SMARCB1: variants seen among roughly 807,000 people sequenced by gnomAD.
The protein encoded by SMARCB1 is SWI/SNF related BAF chromatin remodeling complex subunit B1, also known as SWI/SNF-related matrix-associated actin-dependent regulator of chromatin subfamily B member 1.
Under a neutral mutation model 49.0 loss-of-function variants are expected in SMARCB1, and 5 were observed. The ratio of observed to expected loss-of-function variants is 0.10; its 90% CI spans 0.05 to 0.21. The LOEUF (loss-of-function observed/expected upper bound fraction) is 0.21. Ranked by LOEUF, SMARCB1 falls within the 10% of genes least tolerant of loss-of-function variation. SMARCB1 has a pLI of 1.00. For synonymous variants in SMARCB1, 201 were observed against 200.1 expected (o/e 1.00, Z -0.04); for missense variants, 226 against 509.2 (o/e 0.44, Z 5.35).
intron 3 of SMARCB1, among the ~76,000 whole-genome samples, chr22:23,796,894 AGG>A (rs1928782429): frequency 6.6e-6 from 1 of 152,082 alleles, no homozygotes. Context: ...CAGCCCAATA[AGG>A]GGACTTATGG....
chr22:23,836,887 C>A lies in SMARCB1; in HGVS notation c.*2707C>A. On this transcript the variant is annotated 3_prime_UTR_variant, in exon 9 of 9. Coordinates refer to ENST00000644036, the MANE Select transcript of SMARCB1 (RefSeq NM_003073.5). The stretch of plus-strand genomic sequence containing the variant: ...GTGGGGGTCACTGCTGCGGGGGTGG[C>A]AGATGGGGTCCTGGCTGTTCCTCAG... 1 of 1,478,360 alleles carries A rather than the reference C, an allele frequency of 6.8e-7. No homozygotes were observed. Among genetic ancestry groups the A allele is most frequent in the Non-Finnish European group, 9.0e-7 (1 of 1,113,112 alleles). 91.6% of individuals were successfully genotyped at this position (1,478,360 alleles called of 1,614,324 possible).
At chr22:23,798,329 C>G (rs1928904791) in intron 3 of SMARCB1, among the ~76,000 whole-genome samples, 1 of 152,112 alleles carries the variant, frequency 6.6e-6, no homozygotes, top group South Asian at 2.1e-4. Context: ...TTTGGGAGGC[C>G]AAGGTGGGAG....
intron 5 of SMARCB1, among the ~76,000 whole-genome samples, chr22:23,809,859 C>G (rs1184052370): frequency 2.0e-5 from 3 of 151,946 alleles, no homozygotes; most frequent in Admixed American, 6.6e-5. Context: ...CATTCTTAGT[C>G]AAGACATTCT....
In SMARCB1 at chr22:23,787,037, A is replaced by C. The variant is rs1182752764; in HGVS notation, c.-133A>C. On this transcript the variant is annotated 5_prime_UTR_variant, in exon 1 of 9. Coordinates refer to ENST00000644036, the MANE Select transcript of SMARCB1 (RefSeq NM_003073.5). ...CGGCGGCGGCTGAGGAGCCCGGCTG[A>C]GGCGCCAGTACCCGGCCCGGTCCGC... 5 of 578,400 alleles carry C rather than the reference A, an allele frequency of 8.6e-6. No individual in the cohort carries two copies. The highest frequency in any genetic ancestry group is 8.1e-5 in the South Asian group (4 of 49,438). The allele number at this position is 578,400 out of a possible 1,614,324, so 35.8% of individuals were successfully genotyped here.
chr22:23,825,119 T>G, intron 6 of SMARCB1, 106 bp from the exon 7 acceptor site: 1 of 870,416 alleles, frequency 1.1e-6, no homozygotes, highest in Non-Finnish European at 2.0e-6. Context: ...TCTCAGCTGG[T>G]GGACCCTGGT....
rs929444834 is a variant in SMARCB1 at position 23,836,013 on chromosome 22, A to T, written c.*1833A>T. ...AGGCCCCGTGCCACTGAGCATCCAG[A>T]AATAAACCACAACATGGACAGGCTT... On this transcript the variant is annotated 3_prime_UTR_variant, in exon 9 of 9. Coordinates refer to ENST00000644036, the MANE Select transcript of SMARCB1 (RefSeq NM_003073.5). 21 of 985,400 alleles carry T rather than the reference A, an allele frequency of 2.1e-5. No individual in the cohort carries two copies. Among genetic ancestry groups the T allele is most frequent in the Non-Finnish European group, 1.2e-6 (1 of 829,962 alleles). 61.0% of individuals were successfully genotyped at this position (985,400 alleles called of 1,614,324 possible).
rs2146009906 is a variant in SMARCB1, at chr22:23,816,848, C to G, written c.707C>G (p.Ala236Gly). The change falls in exon 6 of 9, where the codon GCC becomes GGC. Residue 236 changes from alanine (A) to glycine (G), a missense_variant. Physicochemically the swap from Ala to Gly is moderately conservative, Grantham distance 60 (BLOSUM62 0). This residue lies in a region of SMARCB1 where 128 missense variants were observed against 263.9 expected (regional missense o/e 0.49). Coordinates refer to ENST00000644036, the MANE Select transcript of SMARCB1 (RefSeq NM_003073.5). ...LDLNPLTFVP[A>G]IASAIRQQIE... ...TTGAACCCGCTGACGTTTGTGCCAGCCATCGCCTCTGCCATCAGACAGCAG... is the reference window on the plus strand; with the variant it reads ...TTGAACCCGCTGACGTTTGTGCCAGGCATCGCCTCTGCCATCAGACAGCAG... The G allele has an allele frequency of 6.2e-7, 1 of 1,613,986 alleles. No individual in the cohort carries two copies. Among genetic ancestry groups the G allele is most frequent in the Non-Finnish European group, 8.5e-7 (1 of 1,179,872 alleles).
chr22:23,795,941 C>T (rs1928721098), intron 3 of SMARCB1, among the ~76,000 whole-genome samples: 1 of 151,574 alleles, frequency 6.6e-6, no homozygotes, highest in African/African-American at 2.4e-5. Flanking sequence ...CTGGAATGCA[C>T]CACTATGCCT....
chr22:23,791,629 G>A (rs571912477), intron 1 of SMARCB1, 127 bp from the exon 2 acceptor site: 11 of 879,936 alleles, frequency 1.3e-5, no homozygotes, highest in South Asian at 2.6e-5. Flanking sequence ...TAATGCTGCC[G>A]AAAGCGTGGC....
chr22:23,837,605 T>TGTCC lies in SMARCB1; in HGVS notation c.*3426_*3429dup. 6.4e-7 allele frequency: 1 copy of TGTCC among 1,563,314 alleles called. No individual in the cohort carries two copies. Among genetic ancestry groups the TGTCC allele is most frequent in the Non-Finnish European group, 8.7e-7 (1 of 1,148,016 alleles). On this transcript the variant is annotated 3_prime_UTR_variant, in exon 9 of 9. Coordinates refer to ENST00000644036, the MANE Select transcript of SMARCB1 (RefSeq NM_003073.5). ...GAGGGGCCCCAGGGCATAAGCAGCG[T>TGTCC]GTCCTGAGGGGAGTGGCCAGCCTGG...
intron 5 of SMARCB1, among the ~76,000 whole-genome samples, chr22:23,806,868 T>TG (rs1021795933): frequency 4.2e-5 from 6 of 142,598 alleles, no homozygotes; most frequent in African/African-American, 1.3e-4. Flanking sequence ...TGCAGTTAGC[T>TG]GAGATTGTGG....
intron 7 of SMARCB1, among the ~76,000 whole-genome samples, chr22:23,826,966 C>T (rs2030413930): frequency 6.6e-6 from 1 of 152,200 alleles, no homozygotes; most frequent in Non-Finnish European, 1.5e-5. Flanking sequence ...TCTGATGCCT[C>T]CCTGTTCCCT....
chr22:23,796,996 T>C (rs1211864816), intron 3 of SMARCB1, among the ~76,000 whole-genome samples: 2 of 148,472 alleles, frequency 1.3e-5, no homozygotes, highest in African/African-American at 5.2e-5. Context: ...GGAAGGTTGT[T>C]TTTCTTTTTT....
intron 5 of SMARCB1, among the ~76,000 whole-genome samples, chr22:23,806,830 G>A (rs1929524704): frequency 6.7e-6 from 1 of 148,764 alleles, no homozygotes; most frequent in African/African-American, 2.5e-5. Context: ...CGAGGCACAA[G>A]AATCGCTTGA....
At chr22:23,788,633 T>C (rs1928168792) in intron 1 of SMARCB1, among the ~76,000 whole-genome samples, 1 of 152,162 alleles carries the variant, frequency 6.6e-6, no homozygotes, top group Non-Finnish European at 1.5e-5. Context: ...CTTGAACTCC[T>C]GGGCTCAAGT....
At chr22:23,811,166 G>A (rs544956129) in intron 5 of SMARCB1, among the ~76,000 whole-genome samples, 5 of 152,246 alleles carry the variant, frequency 3.3e-5, no homozygotes, top group Admixed American at 2.6e-4. Flanking sequence ...TTAAATAATG[G>A]TAAAAAGATA....
chr22:23,820,093 G>A (rs2030002593), intron 6 of SMARCB1, among the ~76,000 whole-genome samples: 1 of 152,064 alleles, frequency 6.6e-6, no homozygotes, highest in Non-Finnish European at 1.5e-5. Context: ...GCCTCCCAAA[G>A]GATTATAGAC....
rs551849225 is a variant in SMARCB1, at chr22:23,818,544, G to C, written c.795+1608G>C. ...TTTTAACCACTTAAGTGTAAATTCA[G>C]TGGCAGTATATTCACATCCATGGCT... On this transcript the variant is annotated intron_variant, in intron 6 of 8. Transcript: ENST00000644036. The C allele has an allele frequency of 3.9e-5, 6 of 152,250 alleles. No individual in the cohort carries two copies. In the East Asian group the frequency reaches 1.2e-3, roughly 29 times the overall value. 9.4% of individuals were successfully genotyped at this position (152,250 alleles called of 1,614,324 possible). A position where few individuals can be genotyped will look rare whatever the true frequency, so the allele number is the denominator to read the frequency against.
chr22:23,825,025 C>T (rs2030306555), intron 6 of SMARCB1, 200 bp from the exon 7 acceptor site: 2 of 619,654 alleles, frequency 3.2e-6, no homozygotes, highest in African/African-American at 3.7e-5. Context: ...GGGCCCTGAG[C>T]CAGAGCCCCT....
Sources: allele counts gnomAD v4.1 joint callset (sites outside exome capture counted in the v4.1 genomes callset), GRCh38; gene constraint gnomAD v4.1.1; regional missense constraint gnomAD v4.1.1; transcripts MANE v1.5; gene names NCBI Gene and HGNC (gene_info 2026-07-23, HGNC 2026-07-21).